The following PAFAH1B2 variants were observed in gnomAD, a reference collection of about 807,000 sequenced individuals.
PAFAH1B2 encodes the protein platelet-activating factor acetylhydrolase IB subunit alpha2.
In PAFAH1B2, 8 loss-of-function variants were observed where a neutral mutation model predicts 28.0. The observed-to-expected ratio is 0.29, with a 90% CI of 0.17 to 0.52. The LOEUF (loss-of-function observed/expected upper bound fraction) is 0.52, where lower values mean the gene tolerates loss of function less well. Among genes scored for constraint, PAFAH1B2 ranks in the 20% least tolerant of loss-of-function variants. The probability of loss-of-function intolerance (pLI) is 0.97; values close to 1 mark genes in which losing one functional copy is unlikely to be tolerated. For synonymous variants in PAFAH1B2, 104 were observed against 103.2 expected, an observed-to-expected ratio of 1.01 and a Z score of -0.05; for missense variants, 190 against 282.6, an observed-to-expected ratio of 0.67 and a Z score of 2.35.
downstream of PAFAH1B2, among the ~76,000 whole-genome samples, chr11:117,171,919 C>CT (rs1399496661): frequency 6.6e-6 from 1 of 152,080 alleles, no homozygotes; most frequent in Non-Finnish European, 1.5e-5. Flanking sequence ...TCTAGCTGCC[C>CT]TTCCCCCCTC....
In PAFAH1B2 at chr11:117,169,603, T is replaced by C. The variant is rs551844910; in HGVS notation, c.*1904T>C. 3.8e-6 allele frequency: 4 copies of C among 1,052,174 alleles called. No individual in the cohort carries two copies. In the African/African-American group the frequency reaches 6.6e-5, roughly 17 times the overall value. 65.2% of individuals were successfully genotyped at this position (1,052,174 alleles called of 1,614,324 possible). Reference sequence around the variant, plus strand: ...GAAAATTTTTTGGTTTTGTTCTTTTTAAAAAATACATACTTTTTTGAATGT... The same window carrying C: ...GAAAATTTTTTGGTTTTGTTCTTTTCAAAAAATACATACTTTTTTGAATGT... On this transcript the variant is annotated 3_prime_UTR_variant, in exon 6 of 6. Transcript: ENST00000527958.
chr11:117,146,995 G>C (rs987887597), intron 1 of PAFAH1B2, among the ~76,000 whole-genome samples: 1 of 151,896 alleles, frequency 6.6e-6, no homozygotes, highest in Admixed American at 6.6e-5. Context: ...CCGGCCGGGC[G>C]TGGTGGCTCA....
downstream of PAFAH1B2, among the ~76,000 whole-genome samples, chr11:117,173,697 G>C (rs1385196359): frequency 2.0e-5 from 3 of 152,158 alleles, no homozygotes; most frequent in African/African-American, 7.2e-5. Flanking sequence ...ACAGGTTTGA[G>C]ACCTTCCCCA....
Position 117,170,951 on chromosome 11 carries a change from AAGTTTGTGATTTT to A in PAFAH1B2, c.*3253_*3265del. 9.5e-7 allele frequency: 1 copy of A among 1,054,774 alleles called. No individual in the cohort carries two copies. Among genetic ancestry groups the A allele is most frequent in the Non-Finnish European group, 1.1e-6 (1 of 872,604 alleles). 65.3% of individuals were successfully genotyped at this position (1,054,774 alleles called of 1,614,324 possible). A position where few individuals can be genotyped will look rare whatever the true frequency, so the allele number is the denominator to read the frequency against. On this transcript the variant is annotated 3_prime_UTR_variant, in exon 6 of 6. Coordinates refer to ENST00000527958, the MANE Select transcript of PAFAH1B2 (RefSeq NM_002572.4). The stretch of plus-strand genomic sequence containing the variant: ...CTAGCTGACTGGACCTCCCCATTGG[AAGTTTGTGATTTT>A]GCTTTGGCAAAGTTTCATTGACTAG...
chr11:117,173,130 G>C (rs960306130), downstream of PAFAH1B2, among the ~76,000 whole-genome samples: 5 of 152,206 alleles, frequency 3.3e-5, no homozygotes, highest in South Asian at 1.0e-3. Flanking sequence ...CTTGTTTTCT[G>C]CAACCTGATG....
downstream of PAFAH1B2, among the ~76,000 whole-genome samples, chr11:117,174,033 T>C (rs931128824): frequency 6.6e-6 from 1 of 152,226 alleles, no homozygotes; most frequent in African/African-American, 2.4e-5. Context: ...AAAATCTGTT[T>C]TGATTCTGTC....
At chr11:117,175,557 G>A, downstream of PAFAH1B2, 1 of 1,114,792 alleles carries the variant, frequency 9.0e-7, no homozygotes. Flanking sequence ...TTTCTCTCCA[G>A]ATATTGCCAG....
At chr11:117,167,133 T>C (rs1430097278) in intron 5 of PAFAH1B2, among the ~76,000 whole-genome samples, 1 of 152,208 alleles carries the variant, frequency 6.6e-6, no homozygotes, top group Non-Finnish European at 1.5e-5. Flanking sequence ...AAGTTTCATA[T>C]GTAATTCTGA....
At chr11:117,146,994 C>T (rs117592676) in intron 1 of PAFAH1B2, among the ~76,000 whole-genome samples, 4,932 of 151,566 alleles carry the variant, frequency 0.033, 248 homozygotes, top group African/African-American at 0.11. Context: ...GCCGGCCGGG[C>T]GTGGTGGCTC....
At chr11:117,176,605 AG>A (rs572925494) in exon 6 of PAFAH1B2, 86 of 175,558 alleles carry the variant, frequency 4.9e-4, no homozygotes, top group African/African-American at 1.7e-3. Flanking sequence ...GGCCGGGCGC[AG>A]TGGCTCACGC....
chr11:117,167,415 C>T lies in PAFAH1B2; in HGVS notation c.412-6C>T, dbSNP rs781443781. ...TTCTAATTTAATGTTTTCCACTGTGCCCCAGGGTTTGTTACCTCGAGGTGA... is the reference window on the plus strand; with the variant it reads ...TTCTAATTTAATGTTTTCCACTGTGTCCCAGGGTTTGTTACCTCGAGGTGA... On this transcript the variant is annotated splice_region_variant and splice_polypyrimidine_tract_variant and intron_variant, in intron 5 of 5. Transcript: ENST00000527958. 4.5e-6 allele frequency: 7 copies of T among 1,572,042 alleles called. No homozygotes were observed. The highest frequency in any genetic ancestry group is 3.4e-4 in the Middle Eastern group (2 of 5,918).
chr11:117,159,340 T>C (rs1054791993), intron 2 of PAFAH1B2: 1 of 151,962 alleles, frequency 6.6e-6, no homozygotes, highest in African/African-American at 2.4e-5. Context: ...GGGGATAGAC[T>C]AAAAAAAATG....
Position 117,170,443 on chromosome 11 carries a change from T to C in PAFAH1B2, c.*2744T>C, listed in dbSNP as rs1357993828. 8.5e-6 allele frequency: 9 copies of C among 1,059,488 alleles called. No individual in the cohort carries two copies. The highest frequency in any genetic ancestry group is 1.0e-5 in the Non-Finnish European group (9 of 876,226). 65.6% of individuals were successfully genotyped at this position (1,059,488 alleles called of 1,614,324 possible). A position where few individuals can be genotyped will look rare whatever the true frequency, so the allele number is the denominator to read the frequency against. ...TGAAGATGTACTGCCACGGGTGATCTAGGGCAGGCTGTCTTCCAGTCCATG... is the reference window on the plus strand; with the variant it reads ...TGAAGATGTACTGCCACGGGTGATCCAGGGCAGGCTGTCTTCCAGTCCATG... On this transcript the variant is annotated 3_prime_UTR_variant, in exon 6 of 6. Coordinates refer to ENST00000527958, the MANE Select transcript of PAFAH1B2 (RefSeq NM_002572.4).
intron 5 of PAFAH1B2, among the ~76,000 whole-genome samples, chr11:117,165,753 T>G (rs1420518910): frequency 1.3e-5 from 2 of 152,016 alleles, no homozygotes; most frequent in Admixed American, 6.6e-5. Context: ...ATGTATGTGT[T>G]TGTTGGGTGA....
intron 5 of PAFAH1B2, among the ~76,000 whole-genome samples, chr11:117,166,142 C>T (rs140992040): frequency 2.2e-4 from 34 of 152,316 alleles, no homozygotes; most frequent in African/African-American, 7.9e-4. Context: ...TGCGCCAGAC[C>T]AGGTCATGTA....
chr11:117,165,789 G>A (rs1157194028), intron 5 of PAFAH1B2, among the ~76,000 whole-genome samples: 1 of 152,028 alleles, frequency 6.6e-6, no homozygotes, highest in African/African-American at 2.4e-5. Flanking sequence ...TAAAGTTTGA[G>A]CCTGGGATGG....
At chr11:117,158,826 T>C (rs1398326557) in intron 2 of PAFAH1B2, among the ~76,000 whole-genome samples, 3 of 151,926 alleles carry the variant, frequency 2.0e-5, no homozygotes, top group African/African-American at 7.3e-5. Context: ...TGTATTATTA[T>C]TAGAGGCGGG....
At chr11:117,173,876 C>T (rs1320640558), downstream of PAFAH1B2, among the ~76,000 whole-genome samples, 1 of 152,196 alleles carries the variant, frequency 6.6e-6, no homozygotes, top group Non-Finnish European at 1.5e-5. Context: ...CTGCTTATGT[C>T]TGGGACAATT....
chr11:117,157,046 A>G (rs1956269928), intron 2 of PAFAH1B2, among the ~76,000 whole-genome samples: 1 of 151,662 alleles, frequency 6.6e-6, no homozygotes, highest in Admixed American at 6.6e-5. Flanking sequence ...AAAGAAAAAA[A>G]AAAAGAAAGG....
Sources: allele counts gnomAD v4.1 joint callset (sites outside exome capture counted in the v4.1 genomes callset), GRCh38; gene constraint gnomAD v4.1.1; transcripts MANE v1.5; gene names NCBI Gene and HGNC (gene_info 2026-07-23, HGNC 2026-07-21).